The following CSMD1 variants were observed in gnomAD, a reference collection of about 807,000 sequenced individuals.
The protein encoded by CSMD1 is CUB and Sushi multiple domains 1, also known as CUB and sushi domain-containing protein 1.
Under a neutral mutation model 417.5 loss-of-function variants are expected in CSMD1, and 213 were observed. The ratio of observed to expected loss-of-function variants is 0.51; its 90% confidence interval spans 0.46 to 0.57. The LOEUF is 0.57. Among genes scored for constraint, CSMD1 ranks in the 20% least tolerant of loss-of-function variants. The pLI is 0.00. For synonymous variants in CSMD1, 2,862 were observed against 1,736.8 expected (o/e 1.65, Z -16.11); for missense variants, 6,923 against 4,529.7 (o/e 1.53, Z -15.17).
rs188661162 is a variant in CSMD1 at position 4,591,723 on chromosome 8, G to T, written c.302+45619C>A. Among the ~76,000 whole-genome samples, 583 of 152,226 alleles carry T rather than the reference G, an allele frequency of 3.8e-3. 23 individuals carry two copies. The highest frequency in any genetic ancestry group is 0.035 in the Admixed American group (538 of 15,282). ...AATATGCAATGAAAATTGCAGAGAA[G>T]GTTTTAAAGCAGTGAAGTGAGGGGA... On this transcript the variant is annotated intron_variant, in intron 2 of 69. Coordinates refer to ENST00000635120, the MANE Select transcript of CSMD1 (RefSeq NM_033225.6).
At chr8:3,258,651 G>C (rs59445989) in intron 26 of CSMD1, among the ~76,000 whole-genome samples, 3,943 of 152,242 alleles carry the variant, frequency 0.026, 155 homozygotes, top group African/African-American at 0.09. Context: ...CATATGTTCA[G>C]TGCAGCACTA....
chr8:3,400,125 G>A (rs774791366), intron 15 of CSMD1, among the ~76,000 whole-genome samples: 1 of 152,152 alleles, frequency 6.6e-6, no homozygotes, highest in Non-Finnish European at 1.5e-5. Context: ...TAATTGCAAA[G>A]GAGAAATAAA....
At chr8:3,469,901 T>C (rs1816989139) in intron 11 of CSMD1, among the ~76,000 whole-genome samples, 1 of 152,264 alleles carries the variant, frequency 6.6e-6, no homozygotes, top group African/African-American at 2.4e-5. Context: ...AAGATTTGTC[T>C]TCGTTGGCAA....
intron 23 of CSMD1, 48 bp downstream of exon 23, chr8:3,343,246 G>A: frequency 2.0e-6 from 3 of 1,522,374 alleles, no homozygotes; most frequent in Admixed American, 3.4e-5. Context: ...TATCAGATAT[G>A]TCCTGACAAA....
At chr8:4,186,683 A>C (rs1584982891) in intron 3 of CSMD1, among the ~76,000 whole-genome samples, 1 of 152,170 alleles carries the variant, frequency 6.6e-6, no homozygotes, top group Non-Finnish European at 1.5e-5. Flanking sequence ...TTTGTTTTCT[A>C]TTAAGACTAA....
intron 12 of CSMD1, among the ~76,000 whole-genome samples, chr8:3,435,383 C>T (rs1814488672): frequency 6.6e-6 from 1 of 152,150 alleles, no homozygotes; most frequent in Non-Finnish European, 1.5e-5. Context: ...CCAGTCCCGC[C>T]ACCTCTCTGG....
intron 1 of CSMD1, among the ~76,000 whole-genome samples, chr8:4,820,842 C>A (rs1289022628): frequency 1.3e-5 from 2 of 152,136 alleles, no homozygotes; most frequent in Non-Finnish European, 2.9e-5. Context: ...AAGCTAAATA[C>A]TAATGCAAGA....
chr8:4,150,453 C>T (rs930777972), intron 3 of CSMD1, among the ~76,000 whole-genome samples: 15 of 152,138 alleles, frequency 9.9e-5, no homozygotes, highest in African/African-American at 2.7e-4. Flanking sequence ...TGCCTTTTAC[C>T]GGGGCTTAGA....
chr8:3,405,975 A>T, intron 15 of CSMD1, 52 bp downstream of exon 15: 1 of 1,555,708 alleles, frequency 6.4e-7, no homozygotes, highest in Non-Finnish European at 8.8e-7. Flanking sequence ...GTGTGCCTGA[A>T]GATAGATGTG....
intron 3 of CSMD1, among the ~76,000 whole-genome samples, chr8:4,325,271 C>A (rs1391989699): frequency 1.3e-5 from 2 of 152,150 alleles, no homozygotes; most frequent in Admixed American, 1.3e-4. Flanking sequence ...TCTGTTCCTC[C>A]CCACTAACCA....
At chr8:3,089,324 C>G (rs971528911) in intron 48 of CSMD1, among the ~76,000 whole-genome samples, 1 of 152,196 alleles carries the variant, frequency 6.6e-6, no homozygotes, top group African/African-American at 2.4e-5. Flanking sequence ...TCAACCCGCC[C>G]AATACAGAAG....
At chr8:4,447,080 G>C (rs1211589293) in intron 2 of CSMD1, among the ~76,000 whole-genome samples, 2 of 152,138 alleles carry the variant, frequency 1.3e-5, no homozygotes, top group African/African-American at 4.8e-5. Context: ...CCTCAGTTAT[G>C]ACAGCGTCTC....
chr8:4,140,925 A>T (rs1803751325), intron 3 of CSMD1, among the ~76,000 whole-genome samples: 1 of 151,222 alleles, frequency 6.6e-6, no homozygotes, highest in South Asian at 2.1e-4. Flanking sequence ...CTGCTAACAA[A>T]AACTTCAACA....
chr8:2,951,462 G>T (rs2128919735), intron 65 of CSMD1, among the ~76,000 whole-genome samples, 187 bp from the exon 66 acceptor site: 1 of 152,286 alleles, frequency 6.6e-6, no homozygotes, highest in African/African-American at 2.4e-5. Flanking sequence ...CAGGTGCGAA[G>T]ATTATTATGG....
chr8:4,785,633 C>A (rs77267854), intron 1 of CSMD1, among the ~76,000 whole-genome samples: 1,591 of 152,218 alleles, frequency 0.01, 10 homozygotes, highest in East Asian at 0.056. Context: ...CACACACAGA[C>A]TCAGAGTCCC....
chr8:4,690,964 T>A (rs140228522), intron 1 of CSMD1, among the ~76,000 whole-genome samples: 2 of 152,180 alleles, frequency 1.3e-5, no homozygotes, highest in African/African-American at 4.8e-5. Flanking sequence ...CTTGAGCTCA[T>A]GATCTGCCTG....
chr8:4,103,311 C>T (rs186507070), intron 3 of CSMD1, among the ~76,000 whole-genome samples: 2 of 151,012 alleles, frequency 1.3e-5, no homozygotes, highest in Admixed American at 6.6e-5. Flanking sequence ...CATATACACA[C>T]AGTGATCATC....
chr8:4,967,425 T>G (rs970096777), intron 1 of CSMD1, among the ~76,000 whole-genome samples: 1 of 152,152 alleles, frequency 6.6e-6, no homozygotes, highest in African/African-American at 2.4e-5. Flanking sequence ...ACTACATTAG[T>G]AAGCACTACT....
intron 7 of CSMD1, among the ~76,000 whole-genome samples, chr8:3,672,173 C>A (rs112140954): frequency 6.6e-6 from 1 of 152,084 alleles, no homozygotes; most frequent in Admixed American, 6.6e-5. Context: ...TCTTTATGGT[C>A]AGGGATCTTA....
Sources: allele counts gnomAD v4.1 joint callset (sites outside exome capture counted in the v4.1 genomes callset), GRCh38; gene constraint gnomAD v4.1.1; transcripts MANE v1.5; gene names NCBI Gene and HGNC (gene_info 2026-07-23, HGNC 2026-07-21).